The following MACROD2 variants were observed in gnomAD, a reference collection of about 807,000 sequenced individuals.
The protein encoded by MACROD2 is ADP-ribose glycohydrolase MACROD2.
Under a neutral mutation model 70.4 loss-of-function variants are expected in MACROD2, and 36 were observed. The observed-to-expected ratio is 0.51, with a 90% CI of 0.39 to 0.68. MACROD2 has a LOEUF of 0.68. Among genes scored for constraint, MACROD2 ranks in the 30% least tolerant of loss-of-function variants. The probability of loss-of-function intolerance (pLI) is 0.00; values close to 1 mark genes in which losing one functional copy is unlikely to be tolerated. For missense variants in MACROD2, 496 were observed against 538.4 expected (o/e 0.92, Z 0.78); for synonymous variants, 172 against 178.8 (o/e 0.96, Z 0.30).
chr20:15,582,815 C>A (rs1178180426), intron 8 of MACROD2, among the ~76,000 whole-genome samples: 2 of 152,190 alleles, frequency 1.3e-5, no homozygotes, highest in Non-Finnish European at 2.9e-5. Context: ...CTCTTCACAT[C>A]CACAGGAGAA....
intron 5 of MACROD2, among the ~76,000 whole-genome samples, chr20:14,889,305 A>G (rs1421080146): frequency 1.3e-5 from 2 of 151,952 alleles, no homozygotes; most frequent in African/African-American, 4.8e-5. Flanking sequence ...CATGAAACTT[A>G]TATTTTAGCA....
chr20:14,755,289 C>T (rs1365304506), intron 5 of MACROD2, among the ~76,000 whole-genome samples: 1 of 152,030 alleles, frequency 6.6e-6, no homozygotes, highest in Admixed American at 6.5e-5. Flanking sequence ...TGGGCCATCT[C>T]TGATGAGTTC....
At chr20:14,830,805 C>G (rs963263895) in intron 5 of MACROD2, among the ~76,000 whole-genome samples, 12 of 152,110 alleles carry the variant, frequency 7.9e-5, no homozygotes, top group Non-Finnish European at 1.8e-4. Flanking sequence ...AATAATTTAC[C>G]ATAATTGAAC....
intron 2 of MACROD2, among the ~76,000 whole-genome samples, chr20:14,011,086 A>G (rs1224093086): frequency 6.6e-6 from 1 of 152,172 alleles, no homozygotes; most frequent in African/African-American, 2.4e-5. Flanking sequence ...CCCCTGATAT[A>G]GAAGCTGAAT....
chr20:14,333,788 G>A (rs932876949), intron 3 of MACROD2, among the ~76,000 whole-genome samples: 2 of 152,162 alleles, frequency 1.3e-5, no homozygotes, highest in African/African-American at 4.8e-5. Flanking sequence ...TGTTTTTCAT[G>A]TCCAAGCAGG....
chr20:15,095,719 G>A (rs1045763861), intron 5 of MACROD2, among the ~76,000 whole-genome samples: 8 of 151,592 alleles, frequency 5.3e-5, no homozygotes, highest in Non-Finnish European at 8.8e-5. Context: ...GGGTTTTGCC[G>A]TGTTAGCCGG....
intron 3 of MACROD2, among the ~76,000 whole-genome samples, chr20:14,112,544 G>A (rs2054465178): frequency 6.6e-6 from 1 of 151,712 alleles, no homozygotes. Context: ...TTGATGTATA[G>A]TTTTATTAAT....
At chr20:15,743,912 G>A (rs1447199244) in intron 8 of MACROD2, among the ~76,000 whole-genome samples, 2 of 152,052 alleles carry the variant, frequency 1.3e-5, no homozygotes, top group Non-Finnish European at 2.9e-5. Flanking sequence ...TTTATAGTTT[G>A]CTAGGTGGTT....
chr20:15,061,391 A>G (rs1431468999), intron 5 of MACROD2, among the ~76,000 whole-genome samples: 1 of 152,188 alleles, frequency 6.6e-6, no homozygotes, highest in Non-Finnish European at 1.5e-5. Context: ...ATCAGTGGAT[A>G]CCTACCCGAG....
chr20:15,681,660 T>C (rs182127005), intron 8 of MACROD2, among the ~76,000 whole-genome samples: 160 of 152,356 alleles, frequency 1.1e-3, no homozygotes, highest in African/African-American at 3.5e-3. Context: ...GCAGGTGTTA[T>C]ATCATTTTCC....
chr20:14,828,202 C>A (rs1243359507), intron 5 of MACROD2, among the ~76,000 whole-genome samples: 6 of 152,170 alleles, frequency 3.9e-5, no homozygotes, highest in Admixed American at 3.3e-4. Flanking sequence ...CTAGTTCATG[C>A]ATTCTAAGTA....
At chr20:14,158,539 T>G (rs946483123) in intron 3 of MACROD2, among the ~76,000 whole-genome samples, 2 of 152,206 alleles carry the variant, frequency 1.3e-5, no homozygotes, top group Non-Finnish European at 2.9e-5. Flanking sequence ...TTATGTTTTC[T>G]TCTAGTAATT....
chr20:15,774,599 A>G (rs41533249), intron 8 of MACROD2, among the ~76,000 whole-genome samples: 8 of 152,142 alleles, frequency 5.3e-5, no homozygotes, highest in African/African-American at 1.9e-4. Flanking sequence ...AACTTCAGAG[A>G]GGTCTACCTA....
At chr20:14,562,254 T>C (rs2123294391) in intron 4 of MACROD2, among the ~76,000 whole-genome samples, 1 of 152,038 alleles carries the variant, frequency 6.6e-6, no homozygotes, top group East Asian at 1.9e-4. Context: ...CAGAACATCC[T>C]CAAGCATTAT....
At chr20:15,445,658 G>A (rs59340130) in intron 7 of MACROD2, among the ~76,000 whole-genome samples, 5,346 of 152,144 alleles carry the variant, frequency 0.035, 310 homozygotes, top group African/African-American at 0.12. Context: ...CAATGCTTGC[G>A]TTTCGTTGGC....
At chr20:14,607,972 G>T (rs1982911779) in intron 4 of MACROD2, among the ~76,000 whole-genome samples, 2 of 152,252 alleles carry the variant, frequency 1.3e-5, no homozygotes, top group East Asian at 1.9e-4. Flanking sequence ...CCAGGAAAAG[G>T]CCAGGTGTGG....
intron 3 of MACROD2, among the ~76,000 whole-genome samples, chr20:14,288,855 T>G (rs1254724119): frequency 6.6e-6 from 1 of 152,172 alleles, no homozygotes; most frequent in Non-Finnish European, 1.5e-5. Context: ...GTGGCAATAC[T>G]TGTATGTAGT....
At chr20:15,521,539 A>G (rs1264462445) in intron 8 of MACROD2, among the ~76,000 whole-genome samples, 2 of 152,240 alleles carry the variant, frequency 1.3e-5, no homozygotes, top group East Asian at 3.8e-4. Flanking sequence ...AGTAACGGAC[A>G]TGATAAGAGT....
chr20:14,144,925 T>C (rs2054926335), intron 3 of MACROD2, among the ~76,000 whole-genome samples: 1 of 152,218 alleles, frequency 6.6e-6, no homozygotes, highest in South Asian at 2.1e-4. Flanking sequence ...TGTTCGCCAC[T>C]CTCTATCTCA....
Sources: gnomAD v4.1 joint callset for allele counts (sites outside exome capture counted in the v4.1 genomes callset) on GRCh38, gnomAD v4.1.1 for gene constraint, MANE v1.5 for transcripts, NCBI Gene and HGNC (gene_info 2026-07-23, HGNC 2026-07-21) for gene names.